CPA3: variants seen among roughly 807,000 people sequenced by gnomAD.
CPA3 encodes mast cell carboxypeptidase A.
Under a neutral mutation model 55.8 loss-of-function variants are expected in CPA3, and 52 were observed. That is an observed-to-expected ratio of 0.93 (90% CI 0.75 to 1.17). The LOEUF (loss-of-function observed/expected upper bound fraction) is 1.17. Among genes scored for constraint, CPA3 ranks in the 50% most tolerant of loss-of-function variants. The pLI is 0.00. For synonymous variants in CPA3, 179 were observed against 171.2 expected (o/e 1.05, Z -0.36); for missense variants, 547 against 509.1 (o/e 1.07, Z -0.72).
In CPA3 at chr3:148,881,571, G is replaced by A. The variant is rs772998748; in HGVS notation, c.626G>A (p.Arg209Gln). 2.9e-5 allele frequency: 47 copies of A among 1,612,840 alleles called. No individual in the cohort carries two copies. In the Middle Eastern group the frequency reaches 4.9e-4, roughly 17 times the overall value. The change falls in exon 7 of 11, where the codon CGA (arginine) becomes CAA (glutamine). Residue 209 changes from arginine (R) to glutamine (Q), a missense_variant. Coordinates refer to ENST00000296046, the MANE Select transcript of CPA3 (RefSeq NM_001870.4). ...AAAATTATGACCAAACTCTTGGACC[G>A]AATGAATTTTTACATTCTTCCTGTG... Reference protein sequence around the residue: ...RNKIMTKLLDRMNFYILPVFN... With the variant: ...RNKIMTKLLDQMNFYILPVFN...
At chr3:148,869,099 T>C in intron 3 of CPA3, 60 bp downstream of exon 3, 1 of 1,584,800 alleles carries the variant, frequency 6.3e-7, no homozygotes, top group Non-Finnish European at 8.6e-7. Flanking sequence ...AGCCTTGAAG[T>C]AGAGGAAAGT....
chr3:148,888,455 A>G (rs1469427873), intron 10 of CPA3, among the ~76,000 whole-genome samples: 2 of 152,202 alleles, frequency 1.3e-5, no homozygotes, highest in Admixed American at 6.5e-5. Flanking sequence ...CATGCTGGGG[A>G]CTCATTACAC....
chr3:148,872,048 T>A (rs1438899491), intron 3 of CPA3, among the ~76,000 whole-genome samples: 1 of 149,396 alleles, frequency 6.7e-6, no homozygotes, highest in Non-Finnish European at 1.5e-5. Context: ...TTAGACAGGG[T>A]ATATCAACTA....
intron 9 of CPA3, among the ~76,000 whole-genome samples, chr3:148,885,869 T>C (rs1714515767): frequency 6.6e-6 from 1 of 152,158 alleles, no homozygotes; most frequent in African/African-American, 2.4e-5. Flanking sequence ...TTTGGTTTTG[T>C]TAAAACCAGG....
chr3:148,878,981 T>C (rs1429749871), intron 5 of CPA3, among the ~76,000 whole-genome samples: 1 of 152,084 alleles, frequency 6.6e-6, no homozygotes, highest in Non-Finnish European at 1.5e-5. Context: ...CCCAAACAAA[T>C]ATTTCATCCC....
chr3:148,875,609 T>C (rs187154494), intron 3 of CPA3, among the ~76,000 whole-genome samples: 31 of 152,280 alleles, frequency 2.0e-4, no homozygotes, highest in Admixed American at 7.8e-4. Flanking sequence ...AACAGTGTGT[T>C]CGCTGCTTGC....
At position 148,896,974 on chromosome 3, in the gene CPA3, C is replaced by A; in HGVS notation, c.*267C>A. 3.7e-6 allele frequency: 1 copy of A among 267,624 alleles called. No individual in the cohort carries two copies. Among genetic ancestry groups the A allele is most frequent in the Non-Finnish European group, 7.0e-6 (1 of 142,580 alleles). The allele number at this position is 267,624 out of a possible 1,614,324, so 16.6% of individuals were successfully genotyped here. Reference sequence around the variant, plus strand: ...AAGCATTATTTTGAAAGGTGATATACAGTGGGGCACAGAAAACAAATGAAA... The same window carrying A: ...AAGCATTATTTTGAAAGGTGATATAAAGTGGGGCACAGAAAACAAATGAAA... On this transcript the variant is annotated 3_prime_UTR_variant, in exon 11 of 11. Coordinates refer to ENST00000296046, the MANE Select transcript of CPA3 (RefSeq NM_001870.4).
At chr3:148,886,703 C>T (rs1188503333) in intron 10 of CPA3, among the ~76,000 whole-genome samples, 1 of 152,016 alleles carries the variant, frequency 6.6e-6, no homozygotes, top group Non-Finnish European at 1.5e-5. Flanking sequence ...TAAAAAAAAT[C>T]ACATAAAAGA....
chr3:148,879,952 T>A (rs576717330), intron 6 of CPA3, 63 bp downstream of exon 6: 2 of 1,122,224 alleles, frequency 1.8e-6, no homozygotes. Flanking sequence ...CTTCACTAAG[T>A]GGCGACATCT....
intron 10 of CPA3, among the ~76,000 whole-genome samples, chr3:148,895,769 C>T (rs1714809632): frequency 6.6e-6 from 1 of 152,162 alleles, no homozygotes; most frequent in African/African-American, 2.4e-5. Context: ...ATTAGTTAAA[C>T]TCATTACTTG....
At chr3:148,881,454 T>A in intron 6 of CPA3, 68 bp from the exon 7 acceptor site, 2 of 921,232 alleles carry the variant, frequency 2.2e-6, no homozygotes, top group Non-Finnish European at 3.5e-6. Context: ...ATTACTATTA[T>A]AACCACAGCT....
intron 10 of CPA3, among the ~76,000 whole-genome samples, chr3:148,891,243 A>G (rs1202677279): frequency 1.3e-5 from 2 of 152,202 alleles, no homozygotes; most frequent in Non-Finnish European, 2.9e-5. Flanking sequence ...AGTGATTATT[A>G]CTGTATTTTA....
intron 10 of CPA3, among the ~76,000 whole-genome samples, chr3:148,896,000 G>A (rs956858450): frequency 3.9e-5 from 6 of 152,130 alleles, no homozygotes; most frequent in South Asian, 2.1e-4. Flanking sequence ...AGTTGACATG[G>A]AAATTTTGAA....
At chr3:148,887,099 A>G (rs71304426) in intron 10 of CPA3, among the ~76,000 whole-genome samples, 5,275 of 152,238 alleles carry the variant, frequency 0.035, 170 homozygotes, top group East Asian at 0.14. Flanking sequence ...CTCTTATTCT[A>G]TATAAAAGAA....
intron 10 of CPA3, among the ~76,000 whole-genome samples, chr3:148,887,631 G>A (rs143138471): frequency 6.6e-6 from 1 of 152,138 alleles, no homozygotes; most frequent in Non-Finnish European, 1.5e-5. Context: ...CCTGGGAAGT[G>A]AGACCACTTT....
At position 148,868,847 on chromosome 3, in the gene CPA3, T is replaced by C. The variant is rs1334169449; in HGVS notation, c.145-68T>C. 3 of 1,556,636 alleles carry C rather than the reference T, an allele frequency of 1.9e-6. No individual in the cohort carries two copies. In the African/African-American group the frequency reaches 4.1e-5, roughly 21 times the overall value. On this transcript the variant is annotated intron_variant, in intron 2 of 10. Transcript: ENST00000296046. ...TCCTTTCATGGTGTATGAGACATGA[T>C]CATTTCTTAATCAATAAGTGTTGGG...
At chr3:148,869,731 C>T (rs550783253) in intron 3 of CPA3, among the ~76,000 whole-genome samples, 72 of 152,210 alleles carry the variant, frequency 4.7e-4, no homozygotes, top group Middle Eastern at 6.8e-3. Flanking sequence ...CATGCCCAGT[C>T]TGGGCCCTGG....
intron 6 of CPA3, among the ~76,000 whole-genome samples, 167 bp downstream of exon 6, chr3:148,880,056 A>G (rs1714321213): frequency 6.6e-6 from 1 of 152,208 alleles, no homozygotes; most frequent in South Asian, 2.1e-4. Context: ...TACAGTTTTT[A>G]TGAAATTGAC....
intron 10 of CPA3, among the ~76,000 whole-genome samples, chr3:148,886,912 A>T (rs1335674881): frequency 6.6e-6 from 1 of 152,142 alleles, no homozygotes; most frequent in Non-Finnish European, 1.5e-5. Flanking sequence ...GCTCCTTCTC[A>T]CTATGTTCAG....
Sources: allele counts gnomAD v4.1 joint callset (sites outside exome capture counted in the v4.1 genomes callset), GRCh38; gene constraint gnomAD v4.1.1; transcripts MANE v1.5; gene names NCBI Gene and HGNC (gene_info 2026-07-23, HGNC 2026-07-21).